CHODL: variants seen among roughly 807,000 people sequenced by gnomAD.
CHODL encodes chondrolectin.
CHODL carries 29 observed loss-of-function variants against 34.5 expected under a neutral mutation model. The ratio of observed to expected loss-of-function variants is 0.84; its 90% CI spans 0.63 to 1.15. CHODL has a LOEUF of 1.15. CHODL is among the 50% of genes most tolerant of loss of function. The pLI is 0.00. For missense variants in CHODL, 332 were observed against 332.5 expected (o/e 1.00, Z 0.01); for synonymous variants, 125 against 116.1 (o/e 1.08, Z -0.49).
At chr21:18,077,981 A>G (rs2064887044) in intron 2 of CHODL, among the ~76,000 whole-genome samples, 1 of 152,206 alleles carries the variant, frequency 6.6e-6, no homozygotes. Context: ...GAGTAATTTC[A>G]GTATAACGTG....
At chr21:17,974,953 A>T (rs1692573164) in intron 1 of CHODL, among the ~76,000 whole-genome samples, 2 of 148,492 alleles carry the variant, frequency 1.3e-5, no homozygotes, top group Admixed American at 1.4e-4. Context: ...AATTTAAAAT[A>T]ATATATATTA....
At chr21:18,036,476 C>G (rs1830822757) in intron 2 of CHODL, among the ~76,000 whole-genome samples, 1 of 151,962 alleles carries the variant, frequency 6.6e-6, no homozygotes, top group Non-Finnish European at 1.5e-5. Context: ...CCTTGGAATC[C>G]TAACTCAGTT....
intron 1 of CHODL, among the ~76,000 whole-genome samples, chr21:17,927,129 T>C (rs571768901): frequency 8.7e-6 from 1 of 115,566 alleles, no homozygotes; most frequent in East Asian, 2.6e-4. Flanking sequence ...TATATGTATA[T>C]ATATGTATAT....
At chr21:18,090,739 A>C (rs1039500627) in intron 2 of CHODL, among the ~76,000 whole-genome samples, 3 of 151,520 alleles carry the variant, frequency 2.0e-5, no homozygotes, top group African/African-American at 4.8e-5. Context: ...AAAAAAAAAA[A>C]AAAAAAACTA....
intron 1 of CHODL, among the ~76,000 whole-genome samples, chr21:18,254,134 C>CTTT (rs34046207): frequency 0.052 from 7,560 of 145,446 alleles, 632 homozygotes; most frequent in African/African-American, 0.18. Context: ...AGTTTGAATG[C>CTTT]TTTTTTTTTT....
chr21:18,079,360 T>TTA (rs750024594), intron 2 of CHODL, among the ~76,000 whole-genome samples: 14 of 149,484 alleles, frequency 9.4e-5, no homozygotes, highest in South Asian at 2.1e-4. Context: ...CCATAGAATA[T>TTA]TATATATATA....
chr21:18,264,643 G>T (rs933280833), intron 5 of CHODL, among the ~76,000 whole-genome samples: 9 of 150,560 alleles, frequency 6.0e-5, no homozygotes, highest in Non-Finnish European at 1.0e-4. Flanking sequence ...GAATGACTTG[G>T]ATAAACTCAG....
At chr21:18,207,802 T>C (rs2073729889) in intron 2 of CHODL, among the ~76,000 whole-genome samples, 1 of 151,918 alleles carries the variant, frequency 6.6e-6, no homozygotes, top group Non-Finnish European at 1.5e-5. Flanking sequence ...TCCTGGCCTG[T>C]AAGGAAAAGT....
chr21:17,991,553 T>G (rs197560), intron 1 of CHODL, among the ~76,000 whole-genome samples: 81,571 of 151,762 alleles, frequency 0.54, 22,751 homozygotes, highest in African/African-American at 0.67. Context: ...CCTCTAATGA[T>G]TAGTGATTTT....
At chr21:18,193,920 CACCATT>C in intron 2 of CHODL, among the ~76,000 whole-genome samples, 1 of 152,022 alleles carries the variant, frequency 6.6e-6, no homozygotes. Context: ...TGGTAAATGA[CACCATT>C]ATCCATCGTC....
At chr21:18,254,259 C>G (rs2074290530) in intron 1 of CHODL, among the ~76,000 whole-genome samples, 1 of 151,718 alleles carries the variant, frequency 6.6e-6, no homozygotes, top group Admixed American at 6.6e-5. Flanking sequence ...TAAATACCAA[C>G]AGGAATAATG....
chr21:17,930,828 C>G (rs972637890), intron 1 of CHODL, among the ~76,000 whole-genome samples: 4 of 152,202 alleles, frequency 2.6e-5, no homozygotes, highest in Admixed American at 1.3e-4. Context: ...CTCTATGAAG[C>G]AGCAGTGTTC....
chr21:18,042,334 T>C (rs2064386389), intron 2 of CHODL, among the ~76,000 whole-genome samples: 1 of 151,872 alleles, frequency 6.6e-6, no homozygotes, highest in South Asian at 2.1e-4. Context: ...TGGCCCCATT[T>C]TGGGGCCCAC....
At chr21:18,205,919 T>C (rs147908718) in intron 2 of CHODL, among the ~76,000 whole-genome samples, 4 of 152,240 alleles carry the variant, frequency 2.6e-5, no homozygotes, top group South Asian at 2.1e-4. Context: ...GAGCATACTT[T>C]TAATTTCCAT....
chr21:18,196,678 C>T (rs1329853463), intron 2 of CHODL, among the ~76,000 whole-genome samples: 4 of 152,122 alleles, frequency 2.6e-5, no homozygotes, highest in Non-Finnish European at 4.4e-5. Context: ...CAATGTTCTT[C>T]TGAACATCTT....
At chr21:18,179,880 G>A (rs568745327) in intron 2 of CHODL, among the ~76,000 whole-genome samples, 328 of 152,170 alleles carry the variant, frequency 2.2e-3, no homozygotes, top group Non-Finnish European at 3.0e-3. Context: ...TTTTAATTGT[G>A]ACATTGTTTA....
chr21:18,016,593 G>A (rs1160070502), intron 1 of CHODL, among the ~76,000 whole-genome samples: 1 of 152,234 alleles, frequency 6.6e-6, no homozygotes, highest in Non-Finnish European at 1.5e-5. Context: ...CTTGGGCAGT[G>A]CAGAGGGGAA....
chr21:17,947,836 A>G (rs557100135), intron 1 of CHODL, among the ~76,000 whole-genome samples: 76 of 152,288 alleles, frequency 5.0e-4, no homozygotes, highest in African/African-American at 1.7e-3. Context: ...CATTACATAA[A>G]AACCGTGCCT....
At position 18,261,306 on chromosome 21, in the gene CHODL, C is replaced by T. The variant is rs73318263; in HGVS notation, c.634+1020C>T. On this transcript the variant is annotated intron_variant, in intron 4 of 5. Coordinates refer to ENST00000299295, the MANE Select transcript of CHODL (RefSeq NM_024944.3). ...CATTCAGAACATCTAAACCTAATTA[C>T]ATATGTAACTAACCTGCACAATGTG... Among the ~76,000 whole-genome samples, 798 of 151,004 alleles carry T rather than the reference C, an allele frequency of 5.3e-3. 10 individuals are homozygous for T. Among genetic ancestry groups the T allele is most frequent in the African/African-American group, 0.018 (756 of 40,898 alleles).
Sources: gnomAD v4.1 joint callset for allele counts (sites outside exome capture counted in the v4.1 genomes callset) on GRCh38, gnomAD v4.1.1 for gene constraint, MANE v1.5 for transcripts, NCBI Gene and HGNC (gene_info 2026-07-23, HGNC 2026-07-21) for gene names.